The following DGKI variants were observed in gnomAD, a reference collection of about 807,000 sequenced individuals.
DGKI encodes DAG kinase iota.
In DGKI, 55 loss-of-function variants were observed where a neutral mutation model predicts 147.5. The ratio of observed to expected loss-of-function variants is 0.37; its 90% CI spans 0.30 to 0.47. The LOEUF is 0.47. Ranked by LOEUF, DGKI falls within the 20% of genes least tolerant of loss-of-function variation. The probability of loss-of-function intolerance (pLI) is 1.00; values close to 1 mark genes in which losing one functional copy is unlikely to be tolerated. For synonymous variants in DGKI, 469 were observed against 477.1 expected (o/e 0.98, Z 0.22); for missense variants, 1,007 against 1,323.8 (o/e 0.76, Z 3.71).
chr7:137,601,270 C>CA (rs1028674381), intron 10 of DGKI, among the ~76,000 whole-genome samples: 2,184 of 120,820 alleles, frequency 0.018, 48 homozygotes, highest in African/African-American at 0.056. Context: ...GACTCTGTCT[C>CA]AAAAAAAAAA....
chr7:137,733,844 G>T (rs1020445385), intron 1 of DGKI, among the ~76,000 whole-genome samples: 4 of 152,052 alleles, frequency 2.6e-5, no homozygotes, highest in Admixed American at 2.6e-4. Context: ...GATTTGTAAG[G>T]AGGTAAGGTA....
intron 16 of DGKI, among the ~76,000 whole-genome samples, chr7:137,577,895 C>A (rs897337276): frequency 6.6e-6 from 1 of 152,214 alleles, no homozygotes; most frequent in Admixed American, 6.5e-5. Flanking sequence ...AATGTGCGCA[C>A]CCTGGTGAAA....
intron 1 of DGKI, among the ~76,000 whole-genome samples, chr7:137,711,287 T>C (rs61490579): frequency 0.013 from 1,964 of 152,266 alleles, 53 homozygotes; most frequent in African/African-American, 0.046. Context: ...ACACACAAGA[T>C]GATAGTTAAA....
chr7:137,399,431 C>T (rs1419604282), intron 30 of DGKI, among the ~76,000 whole-genome samples: 1 of 152,146 alleles, frequency 6.6e-6, no homozygotes, highest in Non-Finnish European at 1.5e-5. Context: ...CACACACATA[C>T]AAAAGTGCAG....
intron 6 of DGKI, among the ~76,000 whole-genome samples, chr7:137,636,781 C>T (rs904506884): frequency 1.3e-5 from 2 of 152,206 alleles, no homozygotes; most frequent in Non-Finnish European, 2.9e-5. Flanking sequence ...GCTGCATTCA[C>T]AGCAATGAGT....
intron 19 of DGKI, among the ~76,000 whole-genome samples, chr7:137,569,728 C>CAAAAAAAAAAAAAAAAAAAAAAAAAA (rs60719355): frequency 1.5e-5 from 1 of 64,612 alleles, no homozygotes; most frequent in Non-Finnish European, 2.9e-5. Context: ...GACTCTGTCT[C>CAAAAAAAAAAAAAAAAAAAAAAAAAA]AAAAAAAAAA....
chr7:137,543,421 T>C (rs1817764993), intron 20 of DGKI, among the ~76,000 whole-genome samples: 1 of 152,186 alleles, frequency 6.6e-6, no homozygotes, highest in Admixed American at 6.5e-5. Flanking sequence ...TTTCTTTGAA[T>C]AAACTGGAAA....
In DGKI at chr7:137,548,509, C is replaced by A. The variant is rs542142744; in HGVS notation, c.2147+3860G>T. 2.6e-5 allele frequency among the ~76,000 whole-genome samples: 4 copies of A among 151,110 alleles called. No homozygotes were observed. The South Asian group carries it at 8.5e-4, about 32-fold the overall frequency. ...GTTTAAATGAGTATGGTGCCTCCCC[C>A]GTCTCTCTTGCTCTCTCTCCCACCA... is the stretch of plus-strand genomic sequence containing the variant. On this transcript the variant is annotated intron_variant, in intron 20 of 32. Coordinates refer to ENST00000614521, the MANE Select transcript of DGKI (RefSeq NM_001321708.2).
At chr7:137,450,972 G>A (rs985962303) in intron 27 of DGKI, among the ~76,000 whole-genome samples, 11 of 151,794 alleles carry the variant, frequency 7.2e-5, no homozygotes, top group Admixed American at 2.0e-4. Flanking sequence ...GGAAGCTCTT[G>A]GAAAACAAAA....
intron 1 of DGKI, among the ~76,000 whole-genome samples, chr7:137,793,465 TAATTTTTGTATTTTTAGTAGA>T (rs1796931184): frequency 6.6e-6 from 1 of 152,228 alleles, no homozygotes; most frequent in East Asian, 1.9e-4. Context: ...CATGCCCGGC[TAATTTTTGTATTTTTAGTAGA>T]AACAGGGTTT....
At chr7:137,606,691 A>T (rs558515954) in intron 10 of DGKI, among the ~76,000 whole-genome samples, 101 of 152,342 alleles carry the variant, frequency 6.6e-4, no homozygotes, top group African/African-American at 2.4e-3. Context: ...CAGCAAAAAA[A>T]CTAGTTTCCA....
chr7:137,437,043 A>T (rs1316840115), intron 28 of DGKI, among the ~76,000 whole-genome samples: 1 of 152,210 alleles, frequency 6.6e-6, no homozygotes, highest in Non-Finnish European at 1.5e-5. Context: ...CTGGCAGTGA[A>T]CTTCTTACTT....
chr7:137,726,425 T>A (rs1184612363), intron 1 of DGKI, among the ~76,000 whole-genome samples: 7 of 152,214 alleles, frequency 4.6e-5, no homozygotes, highest in Non-Finnish European at 7.3e-5. Context: ...GTCACTATTC[T>A]GAGAAAATCA....
intron 20 of DGKI, among the ~76,000 whole-genome samples, chr7:137,535,279 A>G (rs553670554): frequency 2.0e-5 from 3 of 152,246 alleles, no homozygotes; most frequent in African/African-American, 7.2e-5. Flanking sequence ...AAAAATTTCA[A>G]TCTGGCTTGG....
chr7:137,716,595 G>A (rs1288436401), intron 1 of DGKI, among the ~76,000 whole-genome samples: 1 of 152,126 alleles, frequency 6.6e-6, no homozygotes, highest in East Asian at 1.9e-4. Context: ...CAATAATGTA[G>A]ACTGCTGAAC....
At chr7:137,637,530 C>T (rs373930478) in intron 6 of DGKI, among the ~76,000 whole-genome samples, 1 of 152,212 alleles carries the variant, frequency 6.6e-6, no homozygotes, top group South Asian at 2.1e-4. Context: ...AAATAAAAAA[C>T]TTTCCTAACC....
At chr7:137,812,993 C>A (rs562878599) in intron 1 of DGKI, among the ~76,000 whole-genome samples, 2 of 152,296 alleles carry the variant, frequency 1.3e-5, no homozygotes, top group East Asian at 3.9e-4. Context: ...AAGAAGTCAA[C>A]AGAGCAGAGC....
At chr7:137,444,529 G>A (rs919202272) in intron 27 of DGKI, among the ~76,000 whole-genome samples, 1 of 152,164 alleles carries the variant, frequency 6.6e-6, no homozygotes. Context: ...TGAGACAGAG[G>A]TAAAAGAAAT....
chr7:137,647,326 C>T (rs573741102), intron 5 of DGKI, among the ~76,000 whole-genome samples: 1 of 152,282 alleles, frequency 6.6e-6, no homozygotes, highest in Admixed American at 6.5e-5. Flanking sequence ...TGACTCCTCC[C>T]TTGCATCACC....
Sources: allele counts gnomAD v4.1 joint callset (sites outside exome capture counted in the v4.1 genomes callset), GRCh38; gene constraint gnomAD v4.1.1; transcripts MANE v1.5; gene names NCBI Gene and HGNC (gene_info 2026-07-23, HGNC 2026-07-21).